CSMD3: variants seen among roughly 807,000 people sequenced by gnomAD.
CSMD3 encodes CUB and sushi domain-containing protein 3.
Under a neutral mutation model 435.2 loss-of-function variants are expected in CSMD3, and 177 were observed. The observed-to-expected ratio is 0.41, with a 90% CI of 0.36 to 0.46. The LOEUF (loss-of-function observed/expected upper bound fraction) is 0.46, where lower values mean the gene tolerates loss of function less well. Among genes scored for constraint, CSMD3 ranks in the 20% least tolerant of loss-of-function variants. CSMD3 has a pLI of 0.34. For missense variants in CSMD3, 4,265 were observed against 4,504.6 expected (o/e 0.95, Z 1.52); for synonymous variants, 1,656 against 1,520.5 (o/e 1.09, Z -2.07).
intron 1 of CSMD3, among the ~76,000 whole-genome samples, chr8:113,316,219 G>T (rs939304947): frequency 1.3e-5 from 2 of 152,090 alleles, no homozygotes; most frequent in East Asian, 1.9e-4. Flanking sequence ...GAGTCCTACA[G>T]GAAGCTGAAG....
intron 10 of CSMD3, among the ~76,000 whole-genome samples, chr8:112,914,082 C>G (rs1194347194): frequency 6.6e-6 from 1 of 151,572 alleles, no homozygotes; most frequent in Non-Finnish European, 1.5e-5. Context: ...GAATGATTTC[C>G]AAAATAAGGG....
intron 1 of CSMD3, among the ~76,000 whole-genome samples, chr8:113,373,054 T>C (rs1370072997): frequency 1.3e-5 from 2 of 152,206 alleles, no homozygotes; most frequent in African/African-American, 4.8e-5. Context: ...AAAATAATAC[T>C]GTTTAAAATT....
At chr8:113,172,619 T>A (rs1266699357) in intron 4 of CSMD3, among the ~76,000 whole-genome samples, 1 of 152,210 alleles carries the variant, frequency 6.6e-6, no homozygotes, top group Non-Finnish European at 1.5e-5. Flanking sequence ...GAGACTCAAA[T>A]TGTTGAACTG....
chr8:113,138,826 T>TGG (rs1428205052), intron 4 of CSMD3, among the ~76,000 whole-genome samples: 1 of 148,700 alleles, frequency 6.7e-6, no homozygotes, highest in Non-Finnish European at 1.5e-5. Flanking sequence ...TGTGTGTGTG[T>TGG]GTGTGTGTGT....
At chr8:112,394,903 T>C (rs1303653827) in intron 35 of CSMD3, among the ~76,000 whole-genome samples, 3 of 152,220 alleles carry the variant, frequency 2.0e-5, no homozygotes, top group African/African-American at 7.2e-5. Flanking sequence ...AAGCACTCAA[T>C]AAATTATTGC....
At chr8:112,368,625 T>C (rs1402884856) in intron 38 of CSMD3, among the ~76,000 whole-genome samples, 1 of 152,154 alleles carries the variant, frequency 6.6e-6, no homozygotes, top group African/African-American at 2.4e-5. Context: ...AAGTACTCAA[T>C]AAATACTTGA....
At chr8:112,357,661 T>C (rs1328526959) in intron 38 of CSMD3, among the ~76,000 whole-genome samples, 1 of 152,176 alleles carries the variant, frequency 6.6e-6, no homozygotes, top group Non-Finnish European at 1.5e-5. Flanking sequence ...AGGGACTTGA[T>C]GACCTTCATC....
At chr8:112,392,867 T>TC (rs1285540810) in intron 35 of CSMD3, among the ~76,000 whole-genome samples, 4 of 139,626 alleles carry the variant, frequency 2.9e-5, no homozygotes, top group East Asian at 2.0e-4. Context: ...TTTTTTTCTT[T>TC]TTTTTTTTTT....
At chr8:112,931,554 T>C (rs903489166) in intron 9 of CSMD3, among the ~76,000 whole-genome samples, 1 of 148,204 alleles carries the variant, frequency 6.7e-6, no homozygotes, top group Non-Finnish European at 1.5e-5. Context: ...ATTGTATGGT[T>C]AAAACTTCAA....
rs1204945937 is a variant in CSMD3 at position 112,545,786 on chromosome 8, C to T, written c.4564+4885G>A. Among the ~76,000 whole-genome samples the T allele has an allele frequency of 5.3e-5, 8 of 152,094 alleles. No homozygotes were observed. The East Asian group carries it at 7.8e-4, about 15-fold the overall frequency. On this transcript the variant is annotated intron_variant, in intron 27 of 70. Transcript: ENST00000297405. ...AGCACTGCAAACTTATGTCACAAAG[C>T]GGGGATCTAATAAATACACTGTGGC...
rs200929440 is a variant in CSMD3, at chr8:113,376,730, A to G, written c.178+59947T>C. On this transcript the variant is annotated intron_variant, in intron 1 of 70. Coordinates refer to ENST00000297405, the MANE Select transcript of CSMD3 (RefSeq NM_198123.2). ...CGGCGCAAGGAGCCTAAGAGCCAGG[A>G]TATCTACCTGAGGCTGTCTGTCGGT... is the stretch of plus-strand genomic sequence containing the variant. 126 of 1,613,918 alleles carry G rather than the reference A, an allele frequency of 7.8e-5. No individual in the cohort carries two copies. The East Asian group carries it at 2.5e-3, about 32-fold the overall frequency.
At chr8:113,173,349 T>G (rs2092298393) in intron 4 of CSMD3, among the ~76,000 whole-genome samples, 1 of 152,034 alleles carries the variant, frequency 6.6e-6, no homozygotes, top group Non-Finnish European at 1.5e-5. Flanking sequence ...TGAGACAGAG[T>G]CTTGCTCTGT....
chr8:113,148,628 A>T (rs1187772183), intron 4 of CSMD3, among the ~76,000 whole-genome samples: 1 of 151,714 alleles, frequency 6.6e-6, no homozygotes, highest in Non-Finnish European at 1.5e-5. Flanking sequence ...TACAAAAAAC[A>T]CTAAGCCCAC....
intron 11 of CSMD3, among the ~76,000 whole-genome samples, chr8:112,847,829 G>T (rs574247656): frequency 6.6e-6 from 1 of 152,168 alleles, no homozygotes; most frequent in Non-Finnish European, 1.5e-5. Context: ...GTGAGTTCAA[G>T]AGTGTATTCT....
At chr8:113,218,943 A>G (rs1436397115) in intron 3 of CSMD3, among the ~76,000 whole-genome samples, 7 of 151,402 alleles carry the variant, frequency 4.6e-5, no homozygotes, top group Non-Finnish European at 8.9e-5. Flanking sequence ...CTACAATTCA[A>G]GATGAGATTT....
intron 10 of CSMD3, among the ~76,000 whole-genome samples, chr8:112,899,833 G>GGAGA (rs373458764): frequency 2.1e-5 from 3 of 145,214 alleles, no homozygotes; most frequent in Non-Finnish European, 4.6e-5. Flanking sequence ...GTATATATAT[G>GGAGA]GAGAGAGAGA....
At chr8:113,414,054 C>T (rs1422462944) in intron 1 of CSMD3, among the ~76,000 whole-genome samples, 2 of 152,040 alleles carry the variant, frequency 1.3e-5, no homozygotes, top group African/African-American at 2.4e-5. Flanking sequence ...AGAATCAAGA[C>T]ATTGGAGCTG....
At chr8:112,378,715 AATAAT>A (rs1829188557) in intron 38 of CSMD3, among the ~76,000 whole-genome samples, 1 of 152,152 alleles carries the variant, frequency 6.6e-6, no homozygotes, top group African/African-American at 2.4e-5. Flanking sequence ...GTTAGATAGA[AATAAT>A]AAATTCTGAT....
intron 9 of CSMD3, among the ~76,000 whole-genome samples, chr8:112,932,683 T>G (rs1484284375): frequency 6.6e-6 from 1 of 151,480 alleles, no homozygotes; most frequent in Non-Finnish European, 1.5e-5. Context: ...GTGTGCAGTG[T>G]GTGTGTGCGT....
Sources: gnomAD v4.1 joint callset for allele counts (sites outside exome capture counted in the v4.1 genomes callset) on GRCh38, gnomAD v4.1.1 for gene constraint, MANE v1.5 for transcripts, NCBI Gene and HGNC (gene_info 2026-07-23, HGNC 2026-07-21) for gene names.